RFC1: variants seen among roughly 807,000 people sequenced by gnomAD.
RFC1 encodes the protein A1 140 kDa subunit.
In RFC1, 37 loss-of-function variants were observed where a neutral mutation model predicts 137.4. The ratio of observed to expected loss-of-function variants is 0.27; its 90% confidence interval spans 0.21 to 0.35. RFC1 has a LOEUF of 0.35. RFC1 is among the 10% of genes least tolerant of loss of function. The probability of loss-of-function intolerance (pLI) is 1.00; values close to 1 mark genes in which losing one functional copy is unlikely to be tolerated. For missense variants in RFC1, 1,205 were observed against 1,358.5 expected, an observed-to-expected ratio of 0.89 and a Z score of 1.78; for synonymous variants, 429 against 455.7, an observed-to-expected ratio of 0.94 and a Z score of 0.75.
At chr4:39,357,499 G>T (rs189600160) in intron 1 of RFC1, among the ~76,000 whole-genome samples, 83 of 152,198 alleles carry the variant, frequency 5.5e-4, no homozygotes, top group African/African-American at 1.9e-3. Context: ...GCATAACTGG[G>T]ATAACTAAAG....
At position 39,295,610 on chromosome 4, in the gene RFC1, C is replaced by A; in HGVS notation, c.2954+4G>T. 1 of 1,592,718 alleles carries A rather than the reference C, an allele frequency of 6.3e-7. No homozygotes were observed. The highest frequency in any genetic ancestry group is 8.6e-7 in the Non-Finnish European group (1 of 1,168,156). Reference sequence around the variant, plus strand: ...AATACCCGAAACAGAGTAATCCCACCTACCTGAGACTCATATGCAAGGCCA... The same window carrying A: ...AATACCCGAAACAGAGTAATCCCACATACCTGAGACTCATATGCAAGGCCA... On this transcript the variant is annotated splice_donor_region_variant and intron_variant, in intron 22 of 24. Coordinates refer to ENST00000349703, the MANE Select transcript of RFC1 (RefSeq NM_002913.5).
chr4:39,364,573 C>G (rs578163626), intron 1 of RFC1, among the ~76,000 whole-genome samples: 1 of 152,186 alleles, frequency 6.6e-6, no homozygotes, highest in South Asian at 2.1e-4. Flanking sequence ...AAGTTGACCA[C>G]ACAAGCTATG....
At chr4:39,346,462 G>C (rs1474532167) in intron 2 of RFC1, among the ~76,000 whole-genome samples, 3 of 146,570 alleles carry the variant, frequency 2.0e-5, no homozygotes, top group Non-Finnish European at 4.5e-5. Context: ...GGCAACAAGA[G>C]CAAAATTCCG....
rs761473475 is a variant in RFC1, at chr4:39,306,633, G to T, written c.1954C>A (p.Pro652Thr). ...GCTGTGGTGGTTTTGCCAACACCAG[G>T]AGGGCCTGACAGCAACGCTGCTTTA... ...SFKAALLSGP[P>T]GVGKTTTASL... Residue 652 changes from proline to threonine, a missense_variant, in exon 14 of 25, where the codon CCT (proline) becomes ACT (threonine). By Grantham distance (38) the Pro-to-Thr change is conservative. This residue lies in a region of RFC1 where 962 missense variants were observed against 1,035.3 expected (regional missense o/e 0.93). Coordinates refer to ENST00000349703, the MANE Select transcript of RFC1 (RefSeq NM_002913.5). The T allele has an allele frequency of 1.2e-6, 2 of 1,613,320 alleles. No individual in the cohort carries two copies. Among genetic ancestry groups the T allele is most frequent in the African/African-American group, 2.7e-5 (2 of 74,882 alleles).
intron 3 of RFC1, 56 bp from the exon 4 acceptor site, chr4:39,342,523 G>A (rs1394555254): frequency 6.4e-7 from 1 of 1,553,502 alleles, no homozygotes; most frequent in East Asian, 2.3e-5. Context: ...ATAATATAGT[G>A]CATGTTTAAA....
chr4:39,350,050 A>G (rs1272593878), intron 2 of RFC1, among the ~76,000 whole-genome samples: 1 of 152,212 alleles, frequency 6.6e-6, no homozygotes, highest in Non-Finnish European at 1.5e-5. Flanking sequence ...CAAGGACATA[A>G]AAGACAGAAA....
At chr4:39,353,618 T>C (rs1741322256) in intron 1 of RFC1, among the ~76,000 whole-genome samples, 2 of 152,050 alleles carry the variant, frequency 1.3e-5, no homozygotes, top group African/African-American at 4.8e-5. Flanking sequence ...TTCCTATAAT[T>C]ACAGAGAATC....
chr4:39,345,988 C>T (rs554326553), intron 2 of RFC1, among the ~76,000 whole-genome samples: 1 of 152,142 alleles, frequency 6.6e-6, no homozygotes, highest in African/African-American at 2.4e-5. Context: ...AGTAACTGTA[C>T]CACAATGGGA....
rs975067705 is a variant in RFC1, at chr4:39,300,089, T to C, written c.2740A>G (p.Ile914Val). 1.2e-6 allele frequency: 2 copies of C among 1,614,088 alleles called. No individual in the cohort carries two copies. The highest frequency in any genetic ancestry group is 2.2e-5 in the East Asian group (1 of 44,898). ...LMLLSRAADS[I>V]CDGDLVDSQI... ...CTGTCCACTAGGTCACCATCGCATATGCTGTCTGCTGCTCTGCTTAAAAGC... is the reference window on the plus strand; with the variant it reads ...CTGTCCACTAGGTCACCATCGCATACGCTGTCTGCTGCTCTGCTTAAAAGC... The change falls in exon 21 of 25, where the codon ATA (isoleucine) becomes GTA (valine). Residue 914 changes from isoleucine to valine, a missense_variant. Around this residue, in one of 3 missense-constraint regions of RFC1, gnomAD observed 237 missense variants for 304.2 expected, o/e 0.78. Coordinates refer to ENST00000349703, the MANE Select transcript of RFC1 (RefSeq NM_002913.5).
intron 1 of RFC1, among the ~76,000 whole-genome samples, chr4:39,352,981 CAAT>C (rs1226075779): frequency 3.3e-5 from 5 of 152,144 alleles, no homozygotes; most frequent in African/African-American, 9.6e-5. Flanking sequence ...TAGATCCTGA[CAAT>C]AATTGTCATA....
chr4:39,316,873 C>T (rs1739263999), intron 10 of RFC1, 42 bp downstream of exon 10: 2 of 1,203,454 alleles, frequency 1.7e-6, no homozygotes, highest in Non-Finnish European at 2.5e-6. Flanking sequence ...ACCCATACGG[C>T]AGAGGCCCTC....
chr4:39,344,088 T>C (rs894898912), intron 3 of RFC1, among the ~76,000 whole-genome samples: 4 of 150,198 alleles, frequency 2.7e-5, no homozygotes, highest in Non-Finnish European at 4.4e-5. Context: ...CACTCCAGCC[T>C]GGGTGACAGA....
intron 4 of RFC1, among the ~76,000 whole-genome samples, chr4:39,329,463 G>A (rs1156511596): frequency 5.3e-5 from 8 of 151,804 alleles, no homozygotes; most frequent in African/African-American, 9.7e-5. Context: ...AGCGGTGCGC[G>A]CCTGTAGTCC....
chr4:39,335,132 G>A (rs1311316544), intron 4 of RFC1, among the ~76,000 whole-genome samples: 1 of 151,986 alleles, frequency 6.6e-6, no homozygotes, highest in Non-Finnish European at 1.5e-5. Flanking sequence ...CCAGTTACGG[G>A]GATTAAAATA....
At chr4:39,326,508 T>C (rs369335411) in intron 6 of RFC1, 55 bp downstream of exon 6, 3 of 1,439,042 alleles carry the variant, frequency 2.1e-6, no homozygotes, top group African/African-American at 2.8e-5. Context: ...CTGGCTGGAC[T>C]AAATAGCTAG....
At position 39,293,725 on chromosome 4, in the gene RFC1, T is replaced by C. The variant is rs374371189; in HGVS notation, c.2955-1873A>G. The stretch of plus-strand genomic sequence containing the variant: ...AATGAGGGAAGAGGACAGTGAAGAA[T>C]AGCCATAAAACAACCCGGAAGTCCA... On this transcript the variant is annotated intron_variant, in intron 22 of 24. Coordinates refer to ENST00000349703, the MANE Select transcript of RFC1 (RefSeq NM_002913.5). 3.0e-4 allele frequency among the ~76,000 whole-genome samples: 45 copies of C among 152,102 alleles called. 1 individual carries two copies. The East Asian group carries it at 4.8e-3, about 16-fold the overall frequency.
At position 39,331,820 on chromosome 4, in the gene RFC1, T is replaced by C. The variant is rs145069153; in HGVS notation, c.332-4064A>G. Reference sequence around the variant, plus strand: ...ATCAATAAAACATTAACAATTTTTATCTCTGATTAGGGAAATATGGGTAAT... The same window carrying C: ...ATCAATAAAACATTAACAATTTTTACCTCTGATTAGGGAAATATGGGTAAT... On this transcript the variant is annotated intron_variant, in intron 4 of 24. Coordinates refer to ENST00000349703, the MANE Select transcript of RFC1 (RefSeq NM_002913.5). 7.4e-3 allele frequency among the ~76,000 whole-genome samples: 1,129 copies of C among 152,266 alleles called. 15 individuals carry two copies. Among genetic ancestry groups the C allele is most frequent in the African/African-American group, 0.024 (1,014 of 41,548 alleles).
At chr4:39,346,105 C>T (rs1440658244) in intron 2 of RFC1, among the ~76,000 whole-genome samples, 1 of 152,194 alleles carries the variant, frequency 6.6e-6, no homozygotes, top group African/African-American at 2.4e-5. Flanking sequence ...AAGGCAAGTG[C>T]TTCCTGAAAA....
intron 3 of RFC1, 82 bp from the exon 4 acceptor site, chr4:39,342,549 C>A: frequency 1.5e-6 from 2 of 1,371,142 alleles, no homozygotes; most frequent in South Asian, 1.3e-5. Flanking sequence ...CACGGTGAAC[C>A]AATTCCTCAA....
Sources: allele counts gnomAD v4.1 joint callset (sites outside exome capture counted in the v4.1 genomes callset), GRCh38; gene constraint gnomAD v4.1.1; regional missense constraint gnomAD v4.1.1; transcripts MANE v1.5; gene names NCBI Gene and HGNC (gene_info 2026-07-23, HGNC 2026-07-21).